SIK3: variants seen among roughly 807,000 people sequenced by gnomAD.
The protein encoded by SIK3 is serine/threonine-protein kinase SIK3.
In SIK3, 28 loss-of-function variants were observed where a neutral mutation model predicts 144.2. That is an observed-to-expected ratio of 0.19 (90% CI 0.14 to 0.27). The LOEUF (loss-of-function observed/expected upper bound fraction) is 0.27. Among genes scored for constraint, SIK3 ranks in the 10% least tolerant of loss-of-function variants. The pLI, the probability that SIK3 is intolerant of heterozygous loss-of-function variation, is 1.00. For synonymous variants in SIK3, 686 were observed against 676.3 expected, an observed-to-expected ratio of 1.01 and a Z score of -0.22; for missense variants, 1,319 against 1,776.0, an observed-to-expected ratio of 0.74 and a Z score of 4.62.
intron 1 of SIK3, among the ~76,000 whole-genome samples, chr11:116,993,993 T>C (rs1034528495): frequency 6.6e-6 from 1 of 152,212 alleles, no homozygotes; most frequent in Non-Finnish European, 1.5e-5. Context: ...AGAGCTTTTG[T>C]TGGCTTAGCA....
intron 1 of SIK3, among the ~76,000 whole-genome samples, chr11:117,086,994 CAAAAAA>C (rs907856897): frequency 1.5e-5 from 1 of 66,736 alleles, no homozygotes; most frequent in African/African-American, 5.0e-5. Context: ...GACTCCATCT[CAAAAAA>C]AAAAAAAAAA....
chr11:116,850,849 A>G (rs569793251), intron 21 of SIK3, among the ~76,000 whole-genome samples: 1 of 152,226 alleles, frequency 6.6e-6, no homozygotes, highest in East Asian at 1.9e-4. Context: ...CCTCTACTAA[A>G]ATTACAAAAA....
intron 3 of SIK3, among the ~76,000 whole-genome samples, chr11:116,938,479 GA>G (rs1948071202): frequency 2.0e-5 from 1 of 49,656 alleles, no homozygotes; most frequent in African/African-American, 8.6e-5. Context: ...GAGAGGAGAG[GA>G]GAGGAGAAGA....
intron 1 of SIK3, among the ~76,000 whole-genome samples, chr11:117,039,604 G>T (rs73594177): frequency 0.056 from 8,589 of 152,214 alleles, 525 homozygotes; most frequent in African/African-American, 0.15. Context: ...GACTAAAATC[G>T]AAAGGTCCAC....
chr11:116,911,117 G>C (rs796797687), intron 4 of SIK3, among the ~76,000 whole-genome samples: 2 of 152,084 alleles, frequency 1.3e-5, no homozygotes, highest in African/African-American at 4.8e-5. Context: ...CTGGGTGACA[G>C]AGCGAAACCC....
intron 1 of SIK3, among the ~76,000 whole-genome samples, chr11:116,980,418 A>T (rs1480312672): frequency 2.6e-5 from 4 of 152,212 alleles, no homozygotes; most frequent in African/African-American, 4.8e-5. Context: ...AAACAAAACA[A>T]AACAAAACAA....
At chr11:116,977,946 C>T (rs563033167) in intron 1 of SIK3, among the ~76,000 whole-genome samples, 4 of 152,326 alleles carry the variant, frequency 2.6e-5, no homozygotes, top group Admixed American at 1.3e-4. Context: ...AAGCCGGGTG[C>T]GGTGGCTCAC....
intron 1 of SIK3, among the ~76,000 whole-genome samples, chr11:117,089,628 T>A (rs1955158974): frequency 6.6e-6 from 1 of 152,268 alleles, no homozygotes; most frequent in African/African-American, 2.4e-5. Context: ...TAACCTACAT[T>A]TTCACATTCA....
intron 3 of SIK3, among the ~76,000 whole-genome samples, chr11:116,951,530 C>T (rs1472902910): frequency 1.3e-5 from 2 of 152,198 alleles, no homozygotes; most frequent in African/African-American, 4.8e-5. Context: ...TACTTTTTCA[C>T]CAACCTAAAA....
In SIK3 at chr11:116,921,891, C is replaced by CA. The variant is rs199790084; in HGVS notation, c.616+5327dup. On this transcript the variant is annotated intron_variant, in intron 4 of 24. Transcript: ENST00000445177. Reference sequence around the variant, plus strand: ...AAAATTCATAAATAAGAATTAAGCACAAAAAAAATCATAAACAGTGGAACA... The same window carrying CA: ...AAAATTCATAAATAAGAATTAAGCACAAAAAAAAATCATAAACAGTGGAACA... 7.0e-4 allele frequency among the ~76,000 whole-genome samples: 102 copies of CA among 146,460 alleles called. No homozygotes were observed. In the East Asian group the frequency reaches 0.017, roughly 25 times the overall value.
At chr11:117,094,246 G>A (rs1955372485) in intron 1 of SIK3, among the ~76,000 whole-genome samples, 1 of 152,150 alleles carries the variant, frequency 6.6e-6, no homozygotes. Context: ...ATATATATTT[G>A]TTGAAATATA....
chr11:116,988,479 T>A (rs1950396733), intron 1 of SIK3, among the ~76,000 whole-genome samples: 1 of 151,904 alleles, frequency 6.6e-6, no homozygotes, highest in South Asian at 2.1e-4. Flanking sequence ...AGAAGAAACA[T>A]TATAAGAGAA....
intron 4 of SIK3, among the ~76,000 whole-genome samples, chr11:116,909,936 T>C (rs562787952): frequency 2.8e-4 from 42 of 152,334 alleles, no homozygotes; most frequent in Middle Eastern, 3.4e-3. Context: ...GAAGAAAAAC[T>C]GTAATCTAGG....
chr11:116,941,297 C>T (rs1948286867), intron 3 of SIK3, among the ~76,000 whole-genome samples: 2 of 152,070 alleles, frequency 1.3e-5, no homozygotes, highest in South Asian at 4.2e-4. Context: ...TGAGCCACCG[C>T]GCCTGGCCGA....
chr11:116,981,286 T>C (rs1047334078), intron 1 of SIK3, among the ~76,000 whole-genome samples: 1 of 152,202 alleles, frequency 6.6e-6, no homozygotes, highest in Non-Finnish European at 1.5e-5. Context: ...GGCAAGTCAG[T>C]ACTGACCATC....
At chr11:117,005,336 G>GAAAAAAAAAAAAA (rs35279676) in intron 1 of SIK3, among the ~76,000 whole-genome samples, 3 of 55,974 alleles carry the variant, frequency 5.4e-5, no homozygotes, top group East Asian at 7.1e-4. Context: ...CCCCGTCTCA[G>GAAAAAAAAAAAAA]AAAAAAAAAA....
intron 1 of SIK3, among the ~76,000 whole-genome samples, chr11:117,038,758 T>C (rs960670598): frequency 6.6e-6 from 1 of 152,020 alleles, no homozygotes; most frequent in African/African-American, 2.4e-5. Context: ...CTTCGAAATA[T>C]CCCACATGCG....
At chr11:116,869,845 T>C (rs555844489) in intron 14 of SIK3, 57 of 294,148 alleles carry the variant, frequency 1.9e-4, no homozygotes, top group African/African-American at 1.1e-3. Context: ...TCAATATCTC[T>C]TTGTTGGTAC....
At chr11:116,872,893 T>G (rs188321534) in intron 13 of SIK3, among the ~76,000 whole-genome samples, 67 of 152,254 alleles carry the variant, frequency 4.4e-4, no homozygotes, top group Non-Finnish European at 8.5e-4. Flanking sequence ...AATGAATGAA[T>G]GACCTATGAC....
Sources: gnomAD v4.1 joint callset for allele counts (sites outside exome capture counted in the v4.1 genomes callset) on GRCh38, gnomAD v4.1.1 for gene constraint, MANE v1.5 for transcripts, NCBI Gene and HGNC (gene_info 2026-07-23, HGNC 2026-07-21) for gene names.